The following FCGRT variants were observed in gnomAD, a reference collection of about 807,000 sequenced individuals.
FCGRT encodes Fc gamma receptor and transporter.
Under a neutral mutation model 35.7 loss-of-function variants are expected in FCGRT, and 13 were observed. That is an observed-to-expected ratio of 0.36 (90% confidence interval 0.24 to 0.58). The LOEUF (loss-of-function observed/expected upper bound fraction) is 0.58. FCGRT is among the 20% of genes least tolerant of loss of function. The probability of loss-of-function intolerance (pLI) is 0.77; values close to 1 mark genes in which losing one functional copy is unlikely to be tolerated. For synonymous variants in FCGRT, 233 were observed against 216.5 expected (o/e 1.08, Z -0.67); for missense variants, 455 against 474.9 (o/e 0.96, Z 0.39).
chr19:49,525,049 C>CCTGCTGCTGCTG (rs10525267), intron 5 of FCGRT: 3 of 594,472 alleles, frequency 5.0e-6, no homozygotes, highest in East Asian at 6.6e-5. Flanking sequence ...CATCTTCCAT[C>CCTGCTGCTGCTG]CTGCTGCTGC....
chr19:49,513,362 A>C (rs1306413483), intron 1 of FCGRT, 25 bp from the exon 2 acceptor site: 532 of 374,998 alleles, frequency 1.4e-3, no homozygotes, highest in Non-Finnish European at 2.0e-3. Flanking sequence ...GGTCGGGAGG[A>C]GTCACGTGCC....
intron 4 of FCGRT, among the ~76,000 whole-genome samples, chr19:49,520,056 C>T (rs1568701361): frequency 6.6e-6 from 1 of 150,520 alleles, no homozygotes; most frequent in Non-Finnish European, 1.5e-5. Context: ...TGGTCTTGAA[C>T]TCCTGACCTT....
Position 49,513,958 on chromosome 19 carries a change from C to T in FCGRT, c.150C>T (p.Ser50=), listed in dbSNP as rs1305409823. The change falls in exon 3 of 7, where the codon TCC becomes TCT. Residue 50 remains serine (S), a synonymous_variant. Transcript: ENST00000221466. ...CGGGGACTCCTGCCTTCTGGGTGTC[C>T]GGCTGGCTGGGCCCGCAGCAGTACC... ...PAPGTPAFWV[S]GWLGPQQYLS... 5 of 1,613,866 alleles carry T rather than the reference C, an allele frequency of 3.1e-6. No individual in the cohort carries two copies. The highest frequency in any genetic ancestry group is 4.2e-6 in the Non-Finnish European group (5 of 1,179,984).
chr19:49,525,482 C>T lies in FCGRT; in HGVS notation c.897C>T (p.Leu299=), dbSNP rs199893057. ...ELESPAKSSV[L]VVGIVIGVLL... ...AATCTCCAGCCAAGTCCTCCGTGCT[C>T]GTGGTGGGAATCGTCATCGGTGTCT... The change falls in exon 6 of 7, where the codon CTC becomes CTT. Residue 299 remains leucine, a synonymous_variant. Transcript: ENST00000221466. 161 of 1,613,648 alleles carry T rather than the reference C, an allele frequency of 1.0e-4. No homozygotes were observed. The highest frequency in any genetic ancestry group is 1.3e-4 in the Non-Finnish European group (149 of 1,179,850).
At chr19:49,518,195 C>T (rs2122678036) in intron 4 of FCGRT, among the ~76,000 whole-genome samples, 1 of 152,254 alleles carries the variant, frequency 6.6e-6, no homozygotes, top group South Asian at 2.1e-4. Flanking sequence ...AAACCATCAT[C>T]ACACCTACAA....
intron 6 of FCGRT, among the ~76,000 whole-genome samples, 193 bp downstream of exon 6, chr19:49,525,766 C>G (rs753371352): frequency 1.3e-5 from 2 of 148,576 alleles, no homozygotes; most frequent in Admixed American, 6.8e-5. Flanking sequence ...GACGGGGGAA[C>G]AGAGACCCAG....
At chr19:49,519,685 G>C (rs937041347) in intron 4 of FCGRT, among the ~76,000 whole-genome samples, 60 of 152,158 alleles carry the variant, frequency 3.9e-4, no homozygotes, top group African/African-American at 1.4e-3. Flanking sequence ...TAGTTGGTGC[G>C]TATGTCTGTG....
chr19:49,513,515 G>C, intron 2 of FCGRT, 42 bp downstream of exon 2: 1 of 1,165,444 alleles, frequency 8.6e-7, no homozygotes, highest in Non-Finnish European at 1.1e-6. Flanking sequence ...CAGGCGGGCG[G>C]CGGGAGGCGG....
In FCGRT at chr19:49,524,640, C is replaced by T. The variant is rs1432023959; in HGVS notation, c.735C>T (p.Gly245=). ...GGAATGGGCTGGCCGCTGGCACCGG[C>T]CAGGGTGACTTCGGCCCCAACAGTG... is the stretch of plus-strand genomic sequence containing the variant. ...FLRNGLAAGT[G]QGDFGPNSDG... is the part of the protein sequence containing the mutation. The change falls in exon 5 of 7, where the codon GGC becomes GGT. Residue 245 remains glycine (G), a synonymous_variant. Transcript: ENST00000221466. 7.5e-6 allele frequency: 12 copies of T among 1,608,684 alleles called. No homozygotes were observed. The South Asian group carries it at 1.3e-4, about 18-fold the overall frequency.
At position 49,525,542 on chromosome 19, in the gene FCGRT, G is replaced by C. The variant is rs771467179; in HGVS notation, c.957G>C (p.Leu319=). ...CGGCAGCGGCTGTAGGAGGAGCTCT[G>C]TTGTGGAGAAGGATGAGGAGTGGGC... ...LLTAAAVGGA[L]LWRRMRSGLP... is the part of the protein sequence containing the mutation. Residue 319 remains leucine, a synonymous_variant, in exon 6 of 7, where the codon CTG becomes CTC. Coordinates refer to ENST00000221466, the MANE Select transcript of FCGRT (RefSeq NM_001136019.3). 1 of 1,613,552 alleles carries C rather than the reference G, an allele frequency of 6.2e-7. No homozygotes were observed. The highest frequency in any genetic ancestry group is 2.2e-5 in the East Asian group (1 of 44,870).
chr19:49,525,890 G>C (rs747161697), intron 6 of FCGRT, 120 bp from the exon 7 acceptor site: 11 of 781,228 alleles, frequency 1.4e-5, no homozygotes, highest in Non-Finnish European at 1.8e-5. Flanking sequence ...CAAAGGCCCA[G>C]AAGGAAGGGG....
rs1418061908 is a variant in FCGRT at position 49,524,720 on chromosome 19, A to T, written c.815A>T (p.His272Leu). ...ACAGTCAAAAGTGGCGATGAGCACC[A>T]CTACTGCTGCATTGTGCAGCACGCG... ...SLTVKSGDEH[H>L]YCCIVQHAGL... The change falls in exon 5 of 7, where the codon CAC becomes CTC. Residue 272 changes from histidine (H) to leucine (L), a missense_variant. By Grantham distance (99) the His-to-Leu change is moderately conservative. Coordinates refer to ENST00000221466, the MANE Select transcript of FCGRT (RefSeq NM_001136019.3). 6.2e-7 allele frequency: 1 copy of T among 1,602,324 alleles called. No homozygotes were observed. Among genetic ancestry groups the T allele is most frequent in the South Asian group, 1.1e-5 (1 of 91,078 alleles).
chr19:49,519,977 C>T (rs1471953534), intron 4 of FCGRT, among the ~76,000 whole-genome samples: 1 of 150,136 alleles, frequency 6.7e-6, no homozygotes, highest in South Asian at 2.1e-4. Flanking sequence ...ATTACAGGTG[C>T]GTGCCACCAT....
chr19:49,513,611 A>T (rs2079986907), intron 2 of FCGRT, 138 bp downstream of exon 2: 2 of 479,464 alleles, frequency 4.2e-6, no homozygotes, highest in Non-Finnish European at 6.8e-6. Flanking sequence ...TAACTTTCTC[A>T]ACGTCTCCTG....
intron 4 of FCGRT, among the ~76,000 whole-genome samples, chr19:49,518,889 C>T (rs1302990697): frequency 6.6e-6 from 1 of 151,110 alleles, no homozygotes; most frequent in African/African-American, 2.4e-5. Context: ...GTCACCCAGG[C>T]TGGGGTGCAG....
chr19:49,514,063 G>T lies in FCGRT; in HGVS notation c.255G>T (p.Glu85Asp). Residue 85 changes from glutamate to aspartate, a missense_variant, in exon 3 of 7, where the codon GAG becomes GAT. By Grantham distance (45) the Glu-to-Asp change is conservative. Around this residue, in one of 3 missense-constraint regions of FCGRT, gnomAD observed 136 missense variants for 158.9 expected, o/e 0.86. Transcript: ENST00000221466. ...AAAACCAGGTGTCCTGGTATTGGGAGAAAGAGACCACAGATCTGAGGATCA... is the reference window on the plus strand; with the variant it reads ...AAAACCAGGTGTCCTGGTATTGGGATAAAGAGACCACAGATCTGAGGATCA... ...VWENQVSWYW[E>D]KETTDLRIKE... 1 of 1,611,508 alleles carries T rather than the reference G, an allele frequency of 6.2e-7. No homozygotes were observed. The highest frequency in any genetic ancestry group is 8.5e-7 in the Non-Finnish European group (1 of 1,179,992).
chr19:49,517,432 A>C (rs1350460899), intron 4 of FCGRT, among the ~76,000 whole-genome samples: 1 of 151,548 alleles, frequency 6.6e-6, no homozygotes, highest in Non-Finnish European at 1.5e-5. Context: ...CAGAGGTTGC[A>C]GTGAGCCGAG....
intron 4 of FCGRT, among the ~76,000 whole-genome samples, chr19:49,520,346 A>AT (rs77327285): frequency 0.04 from 4,855 of 121,420 alleles, 175 homozygotes; most frequent in African/African-American, 0.076. Flanking sequence ...GCCAGGATGG[A>AT]TTTTTTTTTT....
At position 49,518,363 on chromosome 19, in the gene FCGRT, T is replaced by TC. The variant is rs1163084085; in HGVS notation, c.601+3877_601+3878insC. ...ATTGTTGAATTTTTCTTTCTTTCTT[T>TC]TTTTTTTTTTTTTTCCTTTTTGAGA... On this transcript the variant is annotated intron_variant, in intron 4 of 6. Coordinates refer to ENST00000221466, the MANE Select transcript of FCGRT (RefSeq NM_001136019.3). 2.7e-5 allele frequency among the ~76,000 whole-genome samples: 4 copies of TC among 150,132 alleles called. No individual in the cohort carries two copies. In the East Asian group the frequency reaches 5.8e-4, roughly 22 times the overall value.
Sources: gnomAD v4.1 joint callset for allele counts (sites outside exome capture counted in the v4.1 genomes callset) on GRCh38, gnomAD v4.1.1 for gene constraint, gnomAD v4.1.1 regional missense constraint, MANE v1.5 for transcripts, NCBI Gene and HGNC (gene_info 2026-07-23, HGNC 2026-07-21) for gene names.